DPYSL3: variants seen among roughly 807,000 people sequenced by gnomAD.
The protein encoded by DPYSL3 is dihydropyrimidinase-related protein 3.
A neutral mutation model predicts 66.1 loss-of-function variants in DPYSL3; 16 were observed. The ratio of observed to expected loss-of-function variants is 0.24; its 90% confidence interval spans 0.16 to 0.37. The LOEUF is 0.37. Ranked by LOEUF, DPYSL3 falls within the 10% of genes least tolerant of loss-of-function variation. The pLI is 1.00. For missense variants in DPYSL3, 738 were observed against 916.2 expected (o/e 0.81, Z 2.51); for synonymous variants, 338 against 345.1 (o/e 0.98, Z 0.23).
chr5:147,424,335 T>C (rs928332664), intron 2 of DPYSL3, among the ~76,000 whole-genome samples: 29 of 152,376 alleles, frequency 1.9e-4, no homozygotes, highest in African/African-American at 7.0e-4. Flanking sequence ...AAGTTCACTA[T>C]GTAGGAAACC....
At chr5:147,457,800 T>A (rs2126406013) in intron 1 of DPYSL3, among the ~76,000 whole-genome samples, 1 of 152,336 alleles carries the variant, frequency 6.6e-6, no homozygotes, top group Admixed American at 6.5e-5. Flanking sequence ...TGACATTTAT[T>A]GTTTGAGTGG....
intron 7 of DPYSL3, among the ~76,000 whole-genome samples, chr5:147,407,523 T>A (rs765198760): frequency 6.6e-6 from 1 of 152,204 alleles, no homozygotes; most frequent in African/African-American, 2.4e-5. Flanking sequence ...CTGATTACCC[T>A]GGTCTCTTCA....
At chr5:147,498,397 A>T (rs1753553783) in intron 1 of DPYSL3, among the ~76,000 whole-genome samples, 1 of 152,208 alleles carries the variant, frequency 6.6e-6, no homozygotes, top group Non-Finnish European at 1.5e-5. Flanking sequence ...TGCAATGAAC[A>T]TACACGTGCA....
At chr5:147,413,498 C>T in intron 5 of DPYSL3, 98 bp downstream of exon 5, 2 of 931,182 alleles carry the variant, frequency 2.1e-6, no homozygotes, top group Non-Finnish European at 3.4e-6. Flanking sequence ...TGGTCTCCCA[C>T]AGTGACCACA....
chr5:147,422,072 A>T (rs908317741), intron 2 of DPYSL3, among the ~76,000 whole-genome samples: 28 of 151,946 alleles, frequency 1.8e-4, no homozygotes, highest in Non-Finnish European at 5.9e-5. Flanking sequence ...GTGAACAGGC[A>T]TGGGAGAAAA....
intron 1 of DPYSL3, among the ~76,000 whole-genome samples, chr5:147,425,567 T>C (rs1003699120): frequency 6.6e-6 from 1 of 152,222 alleles, no homozygotes; most frequent in Non-Finnish European, 1.5e-5. Flanking sequence ...TAACTTACAG[T>C]GGAGAAATTA....
chr5:147,445,324 C>T (rs1163371619), intron 1 of DPYSL3, among the ~76,000 whole-genome samples: 1 of 152,222 alleles, frequency 6.6e-6, no homozygotes, highest in Non-Finnish European at 1.5e-5. Flanking sequence ...TGCTAAAGAG[C>T]TGTCATGTTT....
chr5:147,394,085 G>A lies in DPYSL3; in HGVS notation c.2005C>T (p.Arg669Cys). The change falls in exon 14 of 14, where the codon CGC becomes TGC. Residue 669 changes from arginine (R) to cysteine (C), a missense_variant. Arg to Cys is a radical substitution (Grantham distance 180). Transcript: ENST00000343218. ...VDEGVRSASK[R>C]IVAPPGGRSN... ...CGGCCGCCTGGGGGCGCCACGATGC[G>A]CTTGCTGGCTGAGCGAACCCCCTCA... 1.2e-6 allele frequency: 2 copies of A among 1,614,126 alleles called. No individual in the cohort carries two copies. Among genetic ancestry groups the A allele is most frequent in the Non-Finnish European group, 1.7e-6 (2 of 1,180,018 alleles).
At chr5:147,466,606 ATCCCT>A (rs1234144738) in intron 1 of DPYSL3, among the ~76,000 whole-genome samples, 1 of 152,160 alleles carries the variant, frequency 6.6e-6, no homozygotes, top group African/African-American at 2.4e-5. Context: ...TTGAGTTCAG[ATCCCT>A]TCCTGAATAG....
chr5:147,400,792 C>A lies in DPYSL3; in HGVS notation c.1352G>T (p.Ser451Ile). The change falls in exon 10 of 14, where the codon AGC becomes ATC. Residue 451 changes from serine to isoleucine, a missense_variant. Physicochemically the swap from Ser to Ile is moderately radical, Grantham distance 142 (BLOSUM62 -2). Coordinates refer to ENST00000343218, the MANE Select transcript of DPYSL3 (RefSeq NM_001197294.2). Reference sequence around the variant, plus strand: ...CTTCCCAATTGCTTTCTGGGCAGTGCTGAAGGTGCAGTGGGCACTCCCAGA... The same window carrying A: ...CTTCCCAATTGCTTTCTGGGCAGTGATGAAGGTGCAGTGGGCACTCCCAGA... ...QLSGSAHCTF[S>I]TAQKAIGKDN... 2 of 1,614,164 alleles carry A rather than the reference C, an allele frequency of 1.2e-6. No individual in the cohort carries two copies. The highest frequency in any genetic ancestry group is 1.7e-6 in the Non-Finnish European group (2 of 1,180,010).
intron 2 of DPYSL3, among the ~76,000 whole-genome samples, chr5:147,423,947 A>G (rs1752139408): frequency 6.6e-6 from 1 of 152,084 alleles, no homozygotes; most frequent in South Asian, 2.1e-4. Context: ...CATACTCCTG[A>G]GCTCAAGTGA....
At chr5:147,415,387 T>C (rs1338214633) in intron 4 of DPYSL3, among the ~76,000 whole-genome samples, 1 of 152,132 alleles carries the variant, frequency 6.6e-6, no homozygotes, top group Admixed American at 6.6e-5. Flanking sequence ...AGTTTCTTCC[T>C]CTTCAGAATG....
At chr5:147,402,792 A>C (rs895920442) in intron 8 of DPYSL3, among the ~76,000 whole-genome samples, 1 of 152,102 alleles carries the variant, frequency 6.6e-6, no homozygotes, top group African/African-American at 2.4e-5. Context: ...AACCATGGAG[A>C]GGGGATAAAG....
intron 1 of DPYSL3, among the ~76,000 whole-genome samples, chr5:147,438,673 ATCT>A (rs1368619129): frequency 5.9e-5 from 9 of 152,230 alleles, no homozygotes; most frequent in African/African-American, 2.2e-4. Context: ...CAGGTGAATA[ATCT>A]TCTTTTGGAA....
intron 1 of DPYSL3, among the ~76,000 whole-genome samples, chr5:147,462,058 A>T (rs1752941829): frequency 6.6e-6 from 1 of 152,148 alleles, no homozygotes; most frequent in African/African-American, 2.4e-5. Flanking sequence ...TCATATCACC[A>T]TTTGATTCAC....
intron 1 of DPYSL3, among the ~76,000 whole-genome samples, chr5:147,463,808 A>G (rs1219874978): frequency 6.6e-6 from 1 of 152,088 alleles, no homozygotes; most frequent in African/African-American, 2.4e-5. Context: ...TCCCTTAAAG[A>G]TACAAGCAGC....
chr5:147,426,271 T>C (rs1365093283), intron 1 of DPYSL3, among the ~76,000 whole-genome samples: 5 of 152,054 alleles, frequency 3.3e-5, no homozygotes, highest in Non-Finnish European at 5.9e-5. Context: ...AGGAATAGCA[T>C]GTGCACAAGC....
At chr5:147,433,065 G>A (rs1752342961) in intron 1 of DPYSL3, among the ~76,000 whole-genome samples, 1 of 152,134 alleles carries the variant, frequency 6.6e-6, no homozygotes, top group Admixed American at 6.5e-5. Context: ...CTAGAAAAGG[G>A]ACAAAATTTG....
intron 1 of DPYSL3, among the ~76,000 whole-genome samples, chr5:147,488,440 C>T (rs1753368491): frequency 6.6e-6 from 1 of 152,212 alleles, no homozygotes; most frequent in Admixed American, 6.5e-5. Flanking sequence ...TGAATATTAT[C>T]TACCCTGATT....
Sources: allele counts gnomAD v4.1 joint callset (sites outside exome capture counted in the v4.1 genomes callset), GRCh38; gene constraint gnomAD v4.1.1; transcripts MANE v1.5; gene names NCBI Gene and HGNC (gene_info 2026-07-23, HGNC 2026-07-21).